Variants in ZNF503 observed in about 807,000 individuals in gnomAD.
ZNF503 encodes NocA-like zinc finger 2.
In ZNF503, 15 loss-of-function variants were observed where a neutral mutation model predicts 34.4. The ratio of observed to expected loss-of-function variants is 0.44; its 90% CI spans 0.29 to 0.67. The LOEUF (loss-of-function observed/expected upper bound fraction) is 0.67. Ranked by LOEUF, ZNF503 falls within the 30% of genes least tolerant of loss-of-function variation. The pLI, the probability that ZNF503 is intolerant of heterozygous loss-of-function variation, is 0.13. For synonymous variants in ZNF503, 580 were observed against 456.8 expected (o/e 1.27, Z -3.44); for missense variants, 1,007 against 926.8 (o/e 1.09, Z -1.12).
At chr10:75,330,134 C>T in the ZNF503 span, among the ~76,000 whole-genome samples, 1 of 152,182 alleles carries the variant, frequency 6.6e-6, no homozygotes, top group African/African-American at 2.4e-5. Context: ...GTCCTTCATT[C>T]TGTTGATGTG....
chr10:75,399,358 C>T lies in ZNF503; in HGVS notation c.1332G>A (p.Ala444=), dbSNP rs1337536962. ...SYHCASHLAG[A]AAASASCAHD... ...GTGCGCAAGAAGCGCTGGCGGCCGC[C>T]GCCCCTGCCAGGTGGCTAGCGCAGT... Residue 444 remains alanine, a synonymous_variant, in exon 2 of 2, where the codon GCG becomes GCA. Transcript: ENST00000372524. 3.1e-6 allele frequency: 5 copies of T among 1,605,116 alleles called. No homozygotes were observed. The highest frequency in any genetic ancestry group is 3.4e-6 in the Non-Finnish European group (4 of 1,178,088).
chr10:75,370,621 A>G, the ZNF503 span, among the ~76,000 whole-genome samples: 1 of 151,930 alleles, frequency 6.6e-6, no homozygotes, highest in African/African-American at 2.4e-5. Context: ...TCTACTAAAA[A>G]TACAAAAATT....
chr10:75,281,056 C>G, the ZNF503 span, among the ~76,000 whole-genome samples: 1,685 of 152,156 alleles, frequency 0.011, 20 homozygotes, highest in African/African-American at 0.038. Flanking sequence ...ATAAGGTGAC[C>G]ATGTAATTTA....
At chr10:75,284,840 C>T in the ZNF503 span, among the ~76,000 whole-genome samples, 26 of 152,270 alleles carry the variant, frequency 1.7e-4, no homozygotes, top group Admixed American at 1.6e-3. Flanking sequence ...TTATTTTAAA[C>T]AGAGAATGCA....
chr10:75,382,272 G>A, the ZNF503 span: 1 of 231,894 alleles, frequency 4.3e-6, no homozygotes, highest in South Asian at 7.0e-5. Context: ...TTTCACAACA[G>A]CAACAAATGT....
At chr10:75,320,438 A>G in the ZNF503 span, among the ~76,000 whole-genome samples, 1 of 152,140 alleles carries the variant, frequency 6.6e-6, no homozygotes, top group Non-Finnish European at 1.5e-5. Flanking sequence ...CCGAGATCGC[A>G]CCACTGCACT....
the ZNF503 span, among the ~76,000 whole-genome samples, chr10:75,323,410 T>C: frequency 6.6e-6 from 1 of 152,190 alleles, no homozygotes; most frequent in Non-Finnish European, 1.5e-5. Flanking sequence ...TGTATGTGTA[T>C]GTTTAATTTT....
At chr10:75,365,433 A>G in the ZNF503 span, among the ~76,000 whole-genome samples, 1 of 152,246 alleles carries the variant, frequency 6.6e-6, no homozygotes, top group Non-Finnish European at 1.5e-5. Context: ...GGCGTGAGCC[A>G]CCGTGCCCGG....
the ZNF503 span, among the ~76,000 whole-genome samples, chr10:75,330,452 A>G: frequency 3.3e-5 from 5 of 152,190 alleles, no homozygotes; most frequent in Admixed American, 1.3e-4. Flanking sequence ...CAGGTTTGGT[A>G]GAATTCTGCT....
chr10:75,393,854 G>A (rs1843669804), downstream of ZNF503, among the ~76,000 whole-genome samples: 1 of 151,566 alleles, frequency 6.6e-6, no homozygotes. Context: ...GCGAGACTCT[G>A]TCTCAAAAAA....
the ZNF503 span, among the ~76,000 whole-genome samples, chr10:75,348,959 ACTCT>A: frequency 8.7e-5 from 13 of 149,624 alleles, no homozygotes; most frequent in Non-Finnish European, 1.6e-4. Context: ...TTTGCTATAT[ACTCT>A]CTCTCTCTCT....
chr10:75,323,771 C>T, the ZNF503 span, among the ~76,000 whole-genome samples: 3,218 of 152,052 alleles, frequency 0.021, 130 homozygotes, highest in African/African-American at 0.073. Context: ...GAGGCCAAGG[C>T]GGGCAGATCA....
At chr10:75,348,755 G>A in the ZNF503 span, among the ~76,000 whole-genome samples, 10 of 151,680 alleles carry the variant, frequency 6.6e-5, no homozygotes, top group East Asian at 3.9e-4. Context: ...CTCGTGATCC[G>A]CCCGCCTCAG....
chr10:75,308,067 C>T, the ZNF503 span, among the ~76,000 whole-genome samples: 1 of 152,254 alleles, frequency 6.6e-6, no homozygotes, highest in East Asian at 1.9e-4. Flanking sequence ...GGCAACATAG[C>T]AAGACCCTTG....
chr10:75,401,539 G>T lies in ZNF503; in HGVS notation c.-120C>A. 1 of 1,264,026 alleles carries T rather than the reference G, an allele frequency of 7.9e-7. No individual in the cohort carries two copies. Among genetic ancestry groups the T allele is most frequent in the Non-Finnish European group, 1.1e-6 (1 of 929,870 alleles). The allele number at this position is 1,264,026 out of a possible 1,614,324, so 78.3% of individuals were successfully genotyped here. On this transcript the variant is annotated 5_prime_UTR_variant, in exon 1 of 2. Transcript: ENST00000372524. Reference sequence around the variant, plus strand: ...CGGGAGGAGGAGGAGCTGGCGCGGCGGCCACGGGCGCCCAGCGCGCCTTCT... The same window carrying T: ...CGGGAGGAGGAGGAGCTGGCGCGGCTGCCACGGGCGCCCAGCGCGCCTTCT...
the ZNF503 span, among the ~76,000 whole-genome samples, chr10:75,367,357 A>G: frequency 1.3e-5 from 2 of 152,180 alleles, no homozygotes; most frequent in Non-Finnish European, 2.9e-5. Context: ...ACTTGAAATT[A>G]ATTGCAACTA....
At chr10:75,325,857 T>C in the ZNF503 span, among the ~76,000 whole-genome samples, 1 of 127,808 alleles carries the variant, frequency 7.8e-6, no homozygotes, top group Non-Finnish European at 1.7e-5. Context: ...TTGTAAATGG[T>C]ATTGCTTTTT....
At chr10:75,285,976 A>G in the ZNF503 span, among the ~76,000 whole-genome samples, 1 of 152,122 alleles carries the variant, frequency 6.6e-6, no homozygotes, top group African/African-American at 2.4e-5. Context: ...ATAGGTATAG[A>G]ACTATTTTCA....
chr10:75,384,125 T>G, the ZNF503 span, among the ~76,000 whole-genome samples: 1 of 152,064 alleles, frequency 6.6e-6, no homozygotes, highest in Non-Finnish European at 1.5e-5. Context: ...TCAGCTCAGG[T>G]GCTGGGAGGT....
Sources: allele counts gnomAD v4.1 joint callset (sites outside exome capture counted in the v4.1 genomes callset), GRCh38; gene constraint gnomAD v4.1.1; transcripts MANE v1.5; gene names NCBI Gene and HGNC (gene_info 2026-07-23, HGNC 2026-07-21).